The following CXCL13 variants were observed in gnomAD, a reference collection of about 807,000 sequenced individuals.
The protein encoded by CXCL13 is C-X-C motif chemokine ligand 13, also known as C-X-C motif chemokine 13.
In CXCL13, 7 loss-of-function variants were observed where a neutral mutation model predicts 12.2. The ratio of observed to expected loss-of-function variants is 0.57; its 90% CI spans 0.33 to 1.07. The LOEUF (loss-of-function observed/expected upper bound fraction) is 1.07. Among genes scored for constraint, CXCL13 ranks in the 50% least tolerant of loss-of-function variants. The pLI, the probability that CXCL13 is intolerant of heterozygous loss-of-function variation, is 0.04. For synonymous variants in CXCL13, 47 were observed against 42.4 expected, an observed-to-expected ratio of 1.11 and a Z score of -0.42; for missense variants, 113 against 127.4, an observed-to-expected ratio of 0.89 and a Z score of 0.55.
At chr4:77,607,968 A>C in intron 2 of CXCL13, 133 bp downstream of exon 2, 1 of 910,788 alleles carries the variant, frequency 1.1e-6, no homozygotes, top group Non-Finnish European at 1.6e-6. Flanking sequence ...TCAAACTAAT[A>C]ATGAAAATTG....
At chr4:77,557,420 T>G (rs1446765061) in intron 1 of CXCL13, among the ~76,000 whole-genome samples, 1 of 152,176 alleles carries the variant, frequency 6.6e-6, no homozygotes, top group Admixed American at 6.5e-5. Flanking sequence ...GGATCATGAC[T>G]ATATATTGAA....
At chr4:77,573,362 T>TTGTGTGTGTGTG (rs3048191) in intron 1 of CXCL13, among the ~76,000 whole-genome samples, 10 of 134,910 alleles carry the variant, frequency 7.4e-5, no homozygotes, top group African/African-American at 2.0e-4. Flanking sequence ...ATTGGGTCTT[T>TTGTGTGTGTGTG]TGTGTGTGTG....
intron 1 of CXCL13, among the ~76,000 whole-genome samples, chr4:77,587,766 T>C (rs1206973409): frequency 6.6e-6 from 1 of 152,206 alleles, no homozygotes; most frequent in Non-Finnish European, 1.5e-5. Flanking sequence ...GTCTTTTCAG[T>C]TCTCTGATGC....
At chr4:77,555,849 T>G (rs981345151) in intron 1 of CXCL13, among the ~76,000 whole-genome samples, 1 of 152,170 alleles carries the variant, frequency 6.6e-6, no homozygotes, top group African/African-American at 2.4e-5. Flanking sequence ...GAATGATCAA[T>G]ATATGCATAG....
At chr4:77,610,967 G>GT (rs749187461) in intron 3 of CXCL13, 21 bp from the exon 4 acceptor site, 8 of 1,603,996 alleles carry the variant, frequency 5.0e-6, no homozygotes, top group Non-Finnish European at 6.8e-6. Context: ...TGACAATTTT[G>GT]TTTTTGTTTC....
intron 1 of CXCL13, among the ~76,000 whole-genome samples, chr4:77,577,180 C>T (rs987273877): frequency 3.9e-5 from 6 of 152,172 alleles, no homozygotes; most frequent in Middle Eastern, 3.4e-3. Flanking sequence ...GAGGTAAGAG[C>T]AAGGAAGCTA....
chr4:77,536,528 C>G (rs1725061642), intron 1 of CXCL13, among the ~76,000 whole-genome samples: 1 of 152,118 alleles, frequency 6.6e-6, no homozygotes, highest in Admixed American at 6.6e-5. Flanking sequence ...TTTCACTTCC[C>G]TCATCTGTAA....
chr4:77,606,494 G>A (rs138390514), intron 1 of CXCL13, among the ~76,000 whole-genome samples: 1 of 152,346 alleles, frequency 6.6e-6, no homozygotes, highest in African/African-American at 2.4e-5. Context: ...AAGTTTTTAT[G>A]TGGCCGAAGA....
intron 1 of CXCL13, among the ~76,000 whole-genome samples, chr4:77,577,530 A>G (rs1356074018): frequency 6.6e-6 from 1 of 152,214 alleles, no homozygotes. Context: ...CATTTCATGG[A>G]TAAAGGTCAT....
At chr4:77,571,098 G>A (rs112532670) in intron 1 of CXCL13, among the ~76,000 whole-genome samples, 4 of 152,042 alleles carry the variant, frequency 2.6e-5, no homozygotes, top group African/African-American at 9.7e-5. Context: ...CCCGGTGTGG[G>A]ATCCACTGGG....
intron 1 of CXCL13, among the ~76,000 whole-genome samples, chr4:77,546,771 C>T (rs1725377969): frequency 6.6e-6 from 1 of 152,034 alleles, no homozygotes; most frequent in South Asian, 2.1e-4. Context: ...TTATTCCTTG[C>T]CTTCTGCTAG....
intron 1 of CXCL13, among the ~76,000 whole-genome samples, chr4:77,527,575 T>A (rs1724798313): frequency 6.6e-6 from 1 of 151,794 alleles, no homozygotes; most frequent in Admixed American, 6.6e-5. Flanking sequence ...GAGGTTGCAG[T>A]GAACCAAGAT....
At chr4:77,530,996 A>G (rs932786472) in intron 1 of CXCL13, among the ~76,000 whole-genome samples, 1 of 151,864 alleles carries the variant, frequency 6.6e-6, no homozygotes, top group Non-Finnish European at 1.5e-5. Context: ...GTTGGTTTCA[A>G]AGAACATCCT....
chr4:77,543,183 G>T (rs944856027), intron 1 of CXCL13, among the ~76,000 whole-genome samples: 3 of 151,924 alleles, frequency 2.0e-5, no homozygotes, highest in Non-Finnish European at 4.4e-5. Flanking sequence ...AGGGCTTTTT[G>T]TATTTCTGTG....
chr4:77,543,954 G>T (rs1389672455), intron 1 of CXCL13, among the ~76,000 whole-genome samples: 1 of 152,002 alleles, frequency 6.6e-6, no homozygotes, highest in Non-Finnish European at 1.5e-5. Context: ...GTGTCCAAAT[G>T]TTCTCATTGT....
chr4:77,611,343 A>C lies in CXCL13; in HGVS notation c.*304A>C. The C allele has an allele frequency of 2.8e-6, 1 of 357,646 alleles. No homozygotes were observed. The highest frequency in any genetic ancestry group is 5.0e-6 in the Non-Finnish European group (1 of 201,908). 22.2% of individuals were successfully genotyped at this position (357,646 alleles called of 1,614,324 possible). A position where few individuals can be genotyped will look rare whatever the true frequency, so the allele number is the denominator to read the frequency against. On this transcript the variant is annotated 3_prime_UTR_variant, in exon 4 of 4. Coordinates refer to ENST00000682537, the MANE Select transcript of CXCL13 (RefSeq NM_001371558.1). ...TATATACTTGTTGTTTAATGTTTAA[A>C]ATTTCTTAGAAAACAATGGAATGAG...
At chr4:77,563,502 C>T in intron 1 of CXCL13, among the ~76,000 whole-genome samples, 1 of 152,178 alleles carries the variant, frequency 6.6e-6, no homozygotes, top group Non-Finnish European at 1.5e-5. Context: ...ATCTCAGGCT[C>T]CACTTCTGGG....
At chr4:77,529,384 C>T (rs917745076) in intron 1 of CXCL13, among the ~76,000 whole-genome samples, 1 of 152,206 alleles carries the variant, frequency 6.6e-6, no homozygotes, top group African/African-American at 2.4e-5. Context: ...TGGCCATTTT[C>T]ACAATATTGG....
chr4:77,575,984 T>C (rs992436212), intron 1 of CXCL13, among the ~76,000 whole-genome samples: 9 of 151,974 alleles, frequency 5.9e-5, no homozygotes, highest in Admixed American at 4.6e-4. Context: ...AATTTCTTTG[T>C]CAATTATGTT....
Sources: gnomAD v4.1 joint callset for allele counts (sites outside exome capture counted in the v4.1 genomes callset) on GRCh38, gnomAD v4.1.1 for gene constraint, MANE v1.5 for transcripts, NCBI Gene and HGNC (gene_info 2026-07-23, HGNC 2026-07-21) for gene names.